MC2R: variants seen among roughly 807,000 people sequenced by gnomAD.
MC2R encodes melanocortin 2 receptor, also known as adrenocorticotropic hormone receptor.
MC2R carries 9 observed loss-of-function variants against 9.8 expected under a neutral mutation model. The ratio of observed to expected loss-of-function variants is 0.92; its 90% CI spans 0.55 to 1.60. The LOEUF (loss-of-function observed/expected upper bound fraction) is 1.60, where lower values mean the gene tolerates loss of function less well. Ranked by LOEUF, MC2R falls within the 40% of genes most tolerant of loss-of-function variation. MC2R has a pLI of 0.00. For synonymous variants in MC2R, 185 were observed against 154.7 expected, an observed-to-expected ratio of 1.20 and a Z score of -1.45; for missense variants, 370 against 389.0, an observed-to-expected ratio of 0.95 and a Z score of 0.41.
In MC2R at chr18:13,884,900, T is replaced by C; in HGVS notation, c.619A>G (p.Ile207Val). The C allele has an allele frequency of 6.2e-7, 1 of 1,613,936 alleles. No individual in the cohort carries two copies. Among genetic ancestry groups the C allele is most frequent in the Non-Finnish European group, 8.5e-7 (1 of 1,179,998 alleles). The change falls in exon 2 of 2, where the codon ATC (isoleucine) becomes GTC (valine). Residue 207 changes from isoleucine to valine, a missense_variant. Coordinates refer to ENST00000327606, the MANE Select transcript of MC2R (RefSeq NM_000529.2). The stretch of plus-strand genomic sequence containing the variant: ...ATGTTGGCTCTGGGGAGGGTGGAGA[T>C]CTTCCTGGTGTGGGATCGAGCCAGC... ...FLLARSHTRK[I>V]STLPRANMKG...
At chr18:13,897,323 C>T (rs1205854790) in intron 1 of MC2R, among the ~76,000 whole-genome samples, 2 of 152,168 alleles carry the variant, frequency 1.3e-5, no homozygotes, top group Non-Finnish European at 2.9e-5. Context: ...TTTAGACCAG[C>T]CCTAGCCAGG....
chr18:13,908,192 A>C (rs2045424326), intron 1 of MC2R, among the ~76,000 whole-genome samples: 1 of 152,166 alleles, frequency 6.6e-6, no homozygotes, highest in Non-Finnish European at 1.5e-5. Flanking sequence ...ATATTATTCA[A>C]CCATAAAGAA....
chr18:13,896,110 A>G (rs2045345025), intron 1 of MC2R, among the ~76,000 whole-genome samples: 1 of 152,226 alleles, frequency 6.6e-6, no homozygotes, highest in South Asian at 2.1e-4. Flanking sequence ...AAAATGTGAA[A>G]TCTATGAGGC....
At chr18:13,910,375 C>T (rs2045437589) in intron 1 of MC2R, among the ~76,000 whole-genome samples, 1 of 152,132 alleles carries the variant, frequency 6.6e-6, no homozygotes, top group Non-Finnish European at 1.5e-5. Flanking sequence ...GAGTGACAGT[C>T]CTCTGACTTT....
At chr18:13,908,706 T>TTTGTGTGTGTGTGTGTG (rs374040158) in intron 1 of MC2R, among the ~76,000 whole-genome samples, 6,745 of 142,564 alleles carry the variant, frequency 0.047, 246 homozygotes, top group Middle Eastern at 0.052. Flanking sequence ...CAGGAGCTTC[T>TTTGTGTGTGTGTGTGTG]TGTGTGTGTG....
intron 1 of MC2R, among the ~76,000 whole-genome samples, chr18:13,908,713 TG>T (rs2045428016): frequency 7.1e-6 from 1 of 140,494 alleles, no homozygotes; most frequent in Admixed American, 6.9e-5. Context: ...TTCTTGTGTG[TG>T]TGTGTGTGTG....
chr18:13,901,190 A>G (rs1001540208), intron 1 of MC2R, among the ~76,000 whole-genome samples: 2 of 152,166 alleles, frequency 1.3e-5, no homozygotes, highest in Admixed American at 6.5e-5. Context: ...TTTTATTGAA[A>G]CAAATGATAA....
chr18:13,896,600 A>G (rs940333931), intron 1 of MC2R, among the ~76,000 whole-genome samples: 1 of 152,210 alleles, frequency 6.6e-6, no homozygotes, highest in African/African-American at 2.4e-5. Context: ...ATTATTCAAA[A>G]TCCAGGTAGC....
chr18:13,898,142 C>T (rs2045357562), intron 1 of MC2R, among the ~76,000 whole-genome samples: 1 of 152,112 alleles, frequency 6.6e-6, no homozygotes, highest in African/African-American at 2.4e-5. Flanking sequence ...GAGGTGAGCC[C>T]ACTGCCCTGA....
chr18:13,899,348 A>G (rs1209890525), intron 1 of MC2R, among the ~76,000 whole-genome samples: 1 of 152,194 alleles, frequency 6.6e-6, no homozygotes. Flanking sequence ...AAAAAAAATG[A>G]AGCATGCCTA....
At chr18:13,912,048 T>C (rs1160502406) in intron 1 of MC2R, among the ~76,000 whole-genome samples, 1 of 152,116 alleles carries the variant, frequency 6.6e-6, no homozygotes, top group African/African-American at 2.4e-5. Flanking sequence ...TTTAGGTAAT[T>C]CATTCTGTAC....
chr18:13,915,022 G>C (rs892285318), intron 1 of MC2R, among the ~76,000 whole-genome samples: 3 of 152,240 alleles, frequency 2.0e-5, no homozygotes, highest in African/African-American at 7.2e-5. Flanking sequence ...GGATGGTGGA[G>C]TTGCTTAGAC....
In MC2R at chr18:13,884,450, C is replaced by CAAT; in HGVS notation, c.*172_*174dup. The CAAT allele has an allele frequency of 1.4e-6, 1 of 715,962 alleles. No homozygotes were observed. Among genetic ancestry groups the CAAT allele is most frequent in the Non-Finnish European group, 2.4e-6 (1 of 408,806 alleles). 44.4% of individuals were successfully genotyped at this position (715,962 alleles called of 1,614,324 possible). On this transcript the variant is annotated 3_prime_UTR_variant, in exon 2 of 2. Transcript: ENST00000327606. ...TCACAAAGTTAAGAGGTTGCCCCTA[C>CAAT]AATAAGACTGTTCACATAGAACCTA...
At chr18:13,911,255 C>T (rs1170742107) in intron 1 of MC2R, among the ~76,000 whole-genome samples, 2 of 152,192 alleles carry the variant, frequency 1.3e-5, no homozygotes, top group Non-Finnish European at 2.9e-5. Flanking sequence ...AGGCAGCCTG[C>T]AGCCTCTCCT....
chr18:13,914,357 G>A (rs970997652), intron 1 of MC2R, among the ~76,000 whole-genome samples: 3 of 152,152 alleles, frequency 2.0e-5, no homozygotes, highest in East Asian at 1.9e-4. Context: ...TGTCCTCAGC[G>A]CCGGGGCTCC....
At chr18:13,886,636 A>G (rs950068123) in intron 1 of MC2R, among the ~76,000 whole-genome samples, 2 of 152,214 alleles carry the variant, frequency 1.3e-5, no homozygotes, top group African/African-American at 4.8e-5. Flanking sequence ...AGATGACTAT[A>G]CAATGAGCGT....
intron 1 of MC2R, among the ~76,000 whole-genome samples, chr18:13,910,828 T>G (rs922929676): frequency 6.6e-6 from 1 of 152,186 alleles, no homozygotes; most frequent in African/African-American, 2.4e-5. Flanking sequence ...ACAACAGTGT[T>G]TGCCCCAAAT....
intron 1 of MC2R, among the ~76,000 whole-genome samples, chr18:13,885,871 A>G (rs1033257868): frequency 2.0e-5 from 3 of 152,270 alleles, no homozygotes; most frequent in African/African-American, 7.2e-5. Context: ...AATGTGGTAC[A>G]TATACACAAT....
At chr18:13,890,731 G>A (rs994752584) in intron 1 of MC2R, among the ~76,000 whole-genome samples, 5 of 152,196 alleles carry the variant, frequency 3.3e-5, no homozygotes, top group Non-Finnish European at 1.5e-5. Flanking sequence ...TGTATGAATA[G>A]TACAAAGGCT....
Sources: gnomAD v4.1 joint callset for allele counts (sites outside exome capture counted in the v4.1 genomes callset) on GRCh38, gnomAD v4.1.1 for gene constraint, MANE v1.5 for transcripts, NCBI Gene and HGNC (gene_info 2026-07-23, HGNC 2026-07-21) for gene names.